PLPP3: variants seen among roughly 807,000 people sequenced by gnomAD.
PLPP3 encodes the protein PAP2 beta.
Under a neutral mutation model 29.6 loss-of-function variants are expected in PLPP3, and 6 were observed. That is an observed-to-expected ratio of 0.20 (90% CI 0.11 to 0.40). The LOEUF is 0.40. Ranked by LOEUF, PLPP3 falls within the 10% of genes least tolerant of loss-of-function variation. The pLI is 1.00. For synonymous variants in PLPP3, 152 were observed against 159.7 expected (o/e 0.95, Z 0.36); for missense variants, 308 against 407.7 (o/e 0.76, Z 2.11).
At chr1:56,523,677 C>G (rs1430259812) in intron 4 of PLPP3, 146 bp downstream of exon 4, 6 of 841,330 alleles carry the variant, frequency 7.1e-6, no homozygotes, top group Non-Finnish European at 1.1e-5. Context: ...TGGCAGCGCT[C>G]AGAATTAAAC....
At chr1:56,555,403 C>A (rs1557512756) in intron 1 of PLPP3, among the ~76,000 whole-genome samples, 1 of 118,970 alleles carries the variant, frequency 8.4e-6, no homozygotes, top group African/African-American at 3.3e-5. Flanking sequence ...TTGCCATAAT[C>A]ACTTATGCAG....
In PLPP3 at chr1:56,551,320, G is replaced by A. The variant is rs543981498; in HGVS notation, c.140-14208C>T. Among the ~76,000 whole-genome samples the A allele has an allele frequency of 2.7e-4, 41 of 151,086 alleles. 1 individual carries two copies. The highest frequency in any genetic ancestry group is 4.6e-4 in the Admixed American group (7 of 15,092). ...GGTTCGGTTCGGTTCGGTTCGGTTC[G>A]GTTTGGTGGTGTGCAATTAGCAGAC... is the stretch of plus-strand genomic sequence containing the variant. On this transcript the variant is annotated intron_variant, in intron 1 of 5. Coordinates refer to ENST00000371250, the MANE Select transcript of PLPP3 (RefSeq NM_003713.5).
chr1:56,569,161 A>G (rs1646181236), intron 1 of PLPP3, among the ~76,000 whole-genome samples: 1 of 151,940 alleles, frequency 6.6e-6, no homozygotes, highest in African/African-American at 2.4e-5. Context: ...ACATACTGTA[A>G]CTAGCCTTTA....
rs564813928 is a variant in PLPP3 at position 56,500,623 on chromosome 1, T to A, written c.811-3947A>T. On this transcript the variant is annotated intron_variant, in intron 5 of 5. Transcript: ENST00000371250. ...ATATTGAAAAGCGTCTTGGGACATG[T>A]TAAAAGTTCAGATCTCATTCTTTTG... 4.6e-5 allele frequency among the ~76,000 whole-genome samples: 7 copies of A among 152,262 alleles called. No homozygotes were observed. The South Asian group carries it at 1.2e-3, about 27-fold the overall frequency.
chr1:56,511,181 C>T (rs865793632), intron 5 of PLPP3, among the ~76,000 whole-genome samples: 1 of 152,154 alleles, frequency 6.6e-6, no homozygotes. Context: ...CAGTCATGTT[C>T]GCTGAATAAG....
At position 56,523,846 on chromosome 1, in the gene PLPP3, T is replaced by C. The variant is rs751063721; in HGVS notation, c.610A>G (p.Met204Val). The C allele has an allele frequency of 6.2e-6, 10 of 1,613,730 alleles. 1 individual carries two copies. The South Asian group carries it at 9.9e-5, about 16-fold the overall frequency. ...ACCACCAAATACAGCATAGTGTACA[T>C]GGAGAAGGAGGCATGGCCAGAGAAG... is the stretch of plus-strand genomic sequence containing the variant. ...SFFSGHASFS[M>V]YTMLYLVLYL... The change falls in exon 4 of 6, where the codon ATG becomes GTG. Residue 204 changes from methionine (M) to valine (V), a missense_variant. Met to Val is a conservative substitution (Grantham distance 21). Transcript: ENST00000371250.
At chr1:56,552,448 A>G (rs150938114) in intron 1 of PLPP3, among the ~76,000 whole-genome samples, 45 of 152,336 alleles carry the variant, frequency 3.0e-4, no homozygotes, top group Non-Finnish European at 5.1e-4. Flanking sequence ...TATAATTTAC[A>G]TAGCATGCAA....
chr1:56,538,387 G>C, intron 1 of PLPP3: 2 of 331,930 alleles, frequency 6.0e-6, no homozygotes, highest in South Asian at 5.6e-5. Context: ...CTTGGAACTA[G>C]GGAAGACCAC....
chr1:56,578,896 G>A lies in PLPP3; in HGVS notation c.121C>T (p.Leu41Phe). The change falls in exon 1 of 6, where the codon CTC becomes TTC. Residue 41 changes from leucine (L) to phenylalanine (F), a missense_variant. Leu to Phe is a conservative substitution (Grantham distance 22). Around this residue, in one of 3 missense-constraint regions of PLPP3, gnomAD observed 67 missense variants for 61.3 expected, o/e 1.09. Coordinates refer to ENST00000371250, the MANE Select transcript of PLPP3 (RefSeq NM_003713.5). Reference sequence around the variant, plus strand: ...GGCTCACCCATGAAGAGGCAGAAGAGGTCGAGGCAGATGAGCAGCACCCGC... The same window carrying A: ...GGCTCACCCATGAAGAGGCAGAAGAAGTCGAGGCAGATGAGCAGCACCCGC... ...SKRVLLICLD[L>F]FCLFMAGLPF... The A allele has an allele frequency of 6.3e-7, 1 of 1,595,236 alleles. No individual in the cohort carries two copies. The highest frequency in any genetic ancestry group is 8.5e-7 in the Non-Finnish European group (1 of 1,172,826).
chr1:56,538,595 C>T, intron 1 of PLPP3: 1 of 363,074 alleles, frequency 2.8e-6, no homozygotes. Context: ...ATGGGTACTG[C>T]TCTAAAAAGA....
intron 1 of PLPP3, among the ~76,000 whole-genome samples, 183 bp downstream of exon 1, chr1:56,578,695 G>T (rs1400998580): frequency 6.6e-6 from 1 of 152,132 alleles, no homozygotes; most frequent in African/African-American, 2.4e-5. Context: ...CAAGAAGTCG[G>T]TGGGATCGGG....
At chr1:56,512,593 CAG>C (rs1404168248) in intron 4 of PLPP3, 1 of 152,882 alleles carries the variant, frequency 6.5e-6, no homozygotes, top group African/African-American at 2.4e-5. Context: ...GTCTGGGCAA[CAG>C]AGTGAGACTC....
In PLPP3 at chr1:56,524,727, G is replaced by A. The variant is rs1361823; in HGVS notation, c.298-173C>T. Among the ~76,000 whole-genome samples, 28,821 of 151,872 alleles carry A rather than the reference G, an allele frequency of 0.19. 2,951 individuals carry two copies. The highest frequency in any genetic ancestry group is 0.26 in the Middle Eastern group (76 of 290). ...TATGCACAGAAGAAAAGATCAAAGC[G>A]CTAATATAGTTGGGTGTTTTAAGCC... On this transcript the variant is annotated intron_variant, in intron 2 of 5. Coordinates refer to ENST00000371250, the MANE Select transcript of PLPP3 (RefSeq NM_003713.5). The surrounding 1 kb of genome is among the most constrained non-coding windows in gnomAD (Gnocchi z 4.3).
intron 1 of PLPP3, 22 bp downstream of exon 1, chr1:56,578,856 G>T: frequency 6.5e-7 from 1 of 1,528,176 alleles, no homozygotes; most frequent in South Asian, 1.2e-5. Flanking sequence ...GAGGGGCCGA[G>T]GGACAGCGGG....
chr1:56,496,543 G>C lies in PLPP3; in HGVS notation c.*8C>G. 1 of 1,613,742 alleles carries C rather than the reference G, an allele frequency of 6.2e-7. No individual in the cohort carries two copies. The highest frequency in any genetic ancestry group is 1.1e-5 in the South Asian group (1 of 91,048). Reference sequence around the variant, plus strand: ...TTTTACAAAAACAGCTCAGGAGGTGGGTGGCACCTACATCATGTTGTGGTG... The same window carrying C: ...TTTTACAAAAACAGCTCAGGAGGTGCGTGGCACCTACATCATGTTGTGGTG... On this transcript the variant is annotated 3_prime_UTR_variant, in exon 6 of 6. Transcript: ENST00000371250.
intron 2 of PLPP3, among the ~76,000 whole-genome samples, chr1:56,531,114 G>A (rs78452318): frequency 3.3e-5 from 5 of 152,250 alleles, no homozygotes; most frequent in East Asian, 1.9e-4. Flanking sequence ...TATATGAGAC[G>A]AGTGCTCAGT....
At chr1:56,513,149 A>T (rs1488450383) in intron 4 of PLPP3, 1 of 152,580 alleles carries the variant, frequency 6.6e-6, no homozygotes, top group African/African-American at 2.4e-5. Flanking sequence ...GTTGACAGAC[A>T]CTAGACAGGG....
chr1:56,509,519 A>G (rs1276471896), intron 5 of PLPP3, among the ~76,000 whole-genome samples: 1 of 152,180 alleles, frequency 6.6e-6, no homozygotes, highest in Non-Finnish European at 1.5e-5. Context: ...AAATGGCTGT[A>G]GTACAATGGC....
intron 2 of PLPP3, among the ~76,000 whole-genome samples, chr1:56,525,643 C>T (rs571739977): frequency 4.6e-5 from 7 of 152,100 alleles, no homozygotes; most frequent in African/African-American, 1.7e-4. Flanking sequence ...ACTCCACAGC[C>T]CAGCCATGGC....
Sources: gnomAD v4.1 joint callset for allele counts (sites outside exome capture counted in the v4.1 genomes callset) on GRCh38, gnomAD v4.1.1 for gene constraint, gnomAD v4.1.1 regional missense constraint, Gnocchi (gnomAD v3.1) non-coding constraint, MANE v1.5 for transcripts, NCBI Gene and HGNC (gene_info 2026-07-23, HGNC 2026-07-21) for gene names.